Variants in FAM3B observed in about 807,000 individuals in gnomAD.
The protein encoded by FAM3B is FAM3 metabolism regulating signaling molecule B.
Under a neutral mutation model 28.4 loss-of-function variants are expected in FAM3B, and 29 were observed. The observed-to-expected ratio is 1.02, with a 90% CI of 0.76 to 1.39. FAM3B has a LOEUF of 1.39. Among genes scored for constraint, FAM3B ranks in the 40% most tolerant of loss-of-function variants. The pLI is 0.00. For synonymous variants in FAM3B, 91 were observed against 103.0 expected (o/e 0.88, Z 0.71); for missense variants, 266 against 293.9 (o/e 0.91, Z 0.69).
At chr21:41,337,814 G>C (rs2088968746) in intron 2 of FAM3B, among the ~76,000 whole-genome samples, 1 of 151,912 alleles carries the variant, frequency 6.6e-6, no homozygotes, top group African/African-American at 2.4e-5. Flanking sequence ...TATGGTGTGT[G>C]TGTGTGTGAT....
chr21:41,356,560 T>C (rs541460384), intron 7 of FAM3B, among the ~76,000 whole-genome samples: 2 of 152,206 alleles, frequency 1.3e-5, no homozygotes, highest in African/African-American at 4.8e-5. Flanking sequence ...TAAACCACCA[T>C]GAGTTGGGGA....
In FAM3B at chr21:41,316,916, TC is replaced by T; in HGVS notation, c.19+19del. ...GGCTGGTGGTGAGTGCGCCCCCGCC[TC>T]GGGGCGAGGGTAGGGGCGGGGAAGG... On this transcript the variant is annotated intron_variant, in intron 1 of 7. Coordinates refer to ENST00000357985, the MANE Select transcript of FAM3B (RefSeq NM_058186.4). The T allele has an allele frequency of 7.4e-7, 1 of 1,353,390 alleles. No individual in the cohort carries two copies. Among genetic ancestry groups the T allele is most frequent in the Non-Finnish European group, 9.5e-7 (1 of 1,051,308 alleles). The allele number at this position is 1,353,390 out of a possible 1,614,324, so 83.8% of individuals were successfully genotyped here.
At chr21:41,311,440 G>A (rs1354771651) in intron 1 of FAM3B, among the ~76,000 whole-genome samples, 1 of 148,764 alleles carries the variant, frequency 6.7e-6, no homozygotes, top group African/African-American at 2.5e-5. Context: ...TCCATCCTGG[G>A]TGACAGAGTG....
In FAM3B at chr21:41,326,033, A is replaced by C. The variant is rs1169357051; in HGVS notation, c.163+2967A>C. Among the ~76,000 whole-genome samples the C allele has an allele frequency of 6.6e-6, 1 of 152,232 alleles. No individual in the cohort carries two copies. Reference sequence around the variant, plus strand: ...GTTGCTGCTGGAGGCTTTCAGTCTTAAACAAACCAGCTTTTCATGAGGCAT... The same window carrying C: ...GTTGCTGCTGGAGGCTTTCAGTCTTCAACAAACCAGCTTTTCATGAGGCAT... On this transcript the variant is annotated intron_variant, in intron 2 of 7. Transcript: ENST00000357985. The surrounding 1 kb of genome is among the most constrained non-coding windows in gnomAD (Gnocchi z 4.0).
rs1055101624 is a variant in FAM3B, at chr21:41,326,516, A to G, written c.163+3450A>G. Among the ~76,000 whole-genome samples the G allele has an allele frequency of 6.6e-6, 1 of 152,218 alleles. No homozygotes were observed. The highest frequency in any genetic ancestry group is 1.5e-5 in the Non-Finnish European group (1 of 68,032). On this transcript the variant is annotated intron_variant, in intron 2 of 7. Transcript: ENST00000357985. This position sits in a 1 kb window ranked among gnomAD's most constrained non-coding sequence, Gnocchi z 4.0. The stretch of plus-strand genomic sequence containing the variant: ...CTGGAAAGCCCTCCTGCGCATGTCC[A>G]CACGAAACAGGACTCTCACTTTGCA...
intron 1 of FAM3B, among the ~76,000 whole-genome samples, chr21:41,318,898 T>C (rs2123691829): frequency 6.6e-6 from 1 of 152,248 alleles, no homozygotes; most frequent in East Asian, 1.9e-4. Flanking sequence ...ACCTTTTAAA[T>C]GTTTATTGTT....
chr21:41,345,830 G>C (rs1433499391), intron 5 of FAM3B, 94 bp downstream of exon 5: 1 of 841,724 alleles, frequency 1.2e-6, no homozygotes, highest in Non-Finnish European at 2.0e-6. Context: ...TTTTTATTTT[G>C]TCTACTAGAA....
At chr21:41,340,554 A>G (rs1445667694) in intron 3 of FAM3B, among the ~76,000 whole-genome samples, 1 of 152,066 alleles carries the variant, frequency 6.6e-6, no homozygotes, top group African/African-American at 2.4e-5. Context: ...TAAATGTCCC[A>G]CCTCTTAATG....
chr21:41,352,746 A>G (rs1170511018), intron 7 of FAM3B, among the ~76,000 whole-genome samples: 2 of 152,130 alleles, frequency 1.3e-5, no homozygotes, highest in African/African-American at 4.8e-5. Context: ...GTGAGCCAAG[A>G]TAATGCCACT....
upstream of FAM3B, among the ~76,000 whole-genome samples, chr21:41,312,722 A>AGTGTGTGTGTGTGTGTGTGTGTGTGT (rs10580404): frequency 1.3e-5 from 2 of 148,216 alleles, no homozygotes; most frequent in South Asian, 2.2e-4. Flanking sequence ...TGTGTGTGAG[A>AGTGTGTGTGTGTGTGTGTGTGTGTGT]GTGTGTGTGT....
At chr21:41,339,624 T>C (rs1046154999) in intron 3 of FAM3B, among the ~76,000 whole-genome samples, 5 of 152,250 alleles carry the variant, frequency 3.3e-5, no homozygotes, top group Non-Finnish European at 7.3e-5. Flanking sequence ...CTGAGAATCT[T>C]GGTTCCTAGT....
rs558555190 is a variant in FAM3B at position 41,306,123 on chromosome 21, C to T, written n.99+1813C>T. Among the ~76,000 whole-genome samples, 8 of 152,328 alleles carry T rather than the reference C, an allele frequency of 5.3e-5. No individual in the cohort carries two copies. The South Asian group carries it at 1.7e-3, about 32-fold the overall frequency. ...TTCACTCAATCATAAGAAGCAATTC[C>T]TCATCGGTTCAAATTTTCTCATGAG... On this transcript the variant is annotated intron_variant and non_coding_transcript_variant, in intron 1 of 9. Coordinates refer to the FAM3B transcript ENST00000479810.
chr21:41,328,822 A>C (rs558953940), intron 2 of FAM3B, among the ~76,000 whole-genome samples: 43 of 152,200 alleles, frequency 2.8e-4, no homozygotes, highest in African/African-American at 1.0e-3. Context: ...GGTTGGTGTG[A>C]GCACTCCCAG....
intron 1 of FAM3B, among the ~76,000 whole-genome samples, 189 bp downstream of exon 1, chr21:41,317,087 C>CG (rs2088756461): frequency 6.6e-6 from 1 of 152,210 alleles, no homozygotes; most frequent in Admixed American, 6.5e-5. Context: ...GGGCGAACAG[C>CG]GGGGGTTTCC....
chr21:41,328,854 A>G (rs535076575), intron 2 of FAM3B, among the ~76,000 whole-genome samples: 1 of 152,202 alleles, frequency 6.6e-6, no homozygotes, highest in African/African-American at 2.4e-5. Flanking sequence ...GTTTTCACCT[A>G]CTGGGGACGG....
intron 1 of FAM3B, among the ~76,000 whole-genome samples, chr21:41,309,424 T>G (rs1464741266): frequency 6.6e-6 from 1 of 152,182 alleles, no homozygotes; most frequent in Non-Finnish European, 1.5e-5. Context: ...GAGTTCTGCT[T>G]CCGCTTCTTC....
chr21:41,352,820 T>TAAATAAATAAATAAATAAATAAACAAAC (rs61423023), intron 7 of FAM3B, among the ~76,000 whole-genome samples: 1 of 149,998 alleles, frequency 6.7e-6, no homozygotes, highest in African/African-American at 2.5e-5. Context: ...AATAAATAAA[T>TAAATAAATAAATAAATAAATAAACAAAC]AAATAAAGGA....
Position 41,338,469 on chromosome 21 carries a change from C to G in FAM3B, c.255C>G (p.Ser85Arg), listed in dbSNP as rs1407306337. Residue 85 changes from serine to arginine, a missense_variant, in exon 3 of 8, where the codon AGC becomes AGG. Physicochemically the swap from Ser to Arg is moderately radical, Grantham distance 110 (BLOSUM62 -1). Coordinates refer to ENST00000357985, the MANE Select transcript of FAM3B (RefSeq NM_058186.4). ...AYRLLSGGGR[S>R]KYAKICFEDN... ...GGTTACTCAGCGGAGGTGGCAGAAG[C>G]AAGTACGCCAAAATCTGCTTTGAGG... The G allele has an allele frequency of 6.2e-7, 1 of 1,614,200 alleles. No individual in the cohort carries two copies. Among genetic ancestry groups the G allele is most frequent in the South Asian group, 1.1e-5 (1 of 91,078 alleles).
Position 41,326,961 on chromosome 21 carries a change from G to T in FAM3B, c.163+3895G>T, listed in dbSNP as rs998016429. ...CTGTCATGGGATTGAGGCCAGGCCT[G>T]GTGCCCTTTGATCATTGCAAAGGCT... On this transcript the variant is annotated intron_variant, in intron 2 of 7. Coordinates refer to ENST00000357985, the MANE Select transcript of FAM3B (RefSeq NM_058186.4). The surrounding 1 kb of genome is among the most constrained non-coding windows in gnomAD (Gnocchi z 4.0). Among the ~76,000 whole-genome samples, 2 of 152,210 alleles carry T rather than the reference G, an allele frequency of 1.3e-5. No homozygotes were observed. Among genetic ancestry groups the T allele is most frequent in the Non-Finnish European group, 2.9e-5 (2 of 68,040 alleles).
Sources: gnomAD v4.1 joint callset for allele counts (sites outside exome capture counted in the v4.1 genomes callset) on GRCh38, gnomAD v4.1.1 for gene constraint, Gnocchi (gnomAD v3.1) non-coding constraint, MANE v1.5 for transcripts, NCBI Gene and HGNC (gene_info 2026-07-23, HGNC 2026-07-21) for gene names.